NRXN3: variants seen among roughly 807,000 people sequenced by gnomAD.
NRXN3 encodes neurexin III.
In NRXN3, 32 loss-of-function variants were observed where a neutral mutation model predicts 137.6. That is an observed-to-expected ratio of 0.23 (90% CI 0.18 to 0.31). The LOEUF (loss-of-function observed/expected upper bound fraction) is 0.31. NRXN3 is among the 10% of genes least tolerant of loss of function. NRXN3 has a pLI of 1.00. For synonymous variants in NRXN3, 798 were observed against 784.5 expected, an observed-to-expected ratio of 1.02 and a Z score of -0.29; for missense variants, 1,574 against 2,062.5, an observed-to-expected ratio of 0.76 and a Z score of 4.59.
intron 4 of NRXN3, among the ~76,000 whole-genome samples, chr14:78,300,472 T>C (rs1311988821): frequency 1.3e-5 from 2 of 152,236 alleles, no homozygotes; most frequent in South Asian, 2.1e-4. Flanking sequence ...AGCTTCCACA[T>C]TGTATGTTTG....
chr14:78,774,045 C>T (rs149085300), intron 8 of NRXN3, among the ~76,000 whole-genome samples: 1,910 of 152,272 alleles, frequency 0.013, 23 homozygotes, highest in Non-Finnish European at 0.019. Flanking sequence ...CGTGATCAAC[C>T]CTCCTCGGCC....
At chr14:78,760,564 T>A (rs149383180) in intron 8 of NRXN3, among the ~76,000 whole-genome samples, 1 of 150,482 alleles carries the variant, frequency 6.6e-6, no homozygotes, top group East Asian at 2.0e-4. Context: ...ATAAATGGAT[T>A]TTTATACAGC....
At chr14:78,413,181 G>C (rs1823298287) in intron 4 of NRXN3, among the ~76,000 whole-genome samples, 1 of 152,204 alleles carries the variant, frequency 6.6e-6, no homozygotes, top group Admixed American at 6.5e-5. Flanking sequence ...GGGAAGCTAA[G>C]CAAAGATGTG....
At chr14:79,134,637 C>T (rs2058030549) in intron 15 of NRXN3, among the ~76,000 whole-genome samples, 1 of 152,130 alleles carries the variant, frequency 6.6e-6, no homozygotes, top group South Asian at 2.1e-4. Flanking sequence ...CTCTGTGTTG[C>T]TTGTGTCCAG....
At chr14:79,407,615 G>A (rs1716956689) in intron 15 of NRXN3, among the ~76,000 whole-genome samples, 1 of 152,138 alleles carries the variant, frequency 6.6e-6, no homozygotes, top group African/African-American at 2.4e-5. Context: ...TTGATATCAA[G>A]TTTAATGTCC....
chr14:78,878,695 TTTG>T, intron 10 of NRXN3, among the ~76,000 whole-genome samples: 1 of 152,328 alleles, frequency 6.6e-6, no homozygotes, highest in Non-Finnish European at 1.5e-5. Flanking sequence ...TACTGATTTT[TTTG>T]TTGTGAGAAC....
intron 15 of NRXN3, among the ~76,000 whole-genome samples, chr14:78,991,979 A>C (rs1343879157): frequency 6.6e-6 from 1 of 152,172 alleles, no homozygotes; most frequent in Admixed American, 6.5e-5. Flanking sequence ...CACTCTTATA[A>C]ACATAGCTGT....
chr14:78,342,764 G>T (rs2082278001), intron 4 of NRXN3, among the ~76,000 whole-genome samples: 1 of 151,994 alleles, frequency 6.6e-6, no homozygotes, highest in African/African-American at 2.4e-5. Flanking sequence ...CCCCTTTCCT[G>T]GTCCCCACCC....
At chr14:78,204,903 T>C (rs1450493904) in intron 1 of NRXN3, among the ~76,000 whole-genome samples, 4 of 152,132 alleles carry the variant, frequency 2.6e-5, no homozygotes, top group Non-Finnish European at 4.4e-5. Context: ...TTCACGTTCT[T>C]TGAGGTTTGT....
At chr14:78,891,183 G>A (rs550110356) in intron 10 of NRXN3, among the ~76,000 whole-genome samples, 64 of 151,894 alleles carry the variant, frequency 4.2e-4, no homozygotes, top group African/African-American at 1.5e-3. Context: ...ATACAATAGT[G>A]CACCAGTGGC....
intron 20 of NRXN3, chr14:79,853,405 G>T: frequency 4.7e-6 from 1 of 211,894 alleles, no homozygotes; most frequent in Middle Eastern, 8.1e-4. Context: ...ATAATTTTTG[G>T]AGTAATTGCA....
At chr14:79,677,485 G>A (rs1603419515) in intron 17 of NRXN3, among the ~76,000 whole-genome samples, 1 of 152,154 alleles carries the variant, frequency 6.6e-6, no homozygotes, top group Non-Finnish European at 1.5e-5. Context: ...TGAATAGCTG[G>A]ATTAGTTTAC....
intron 16 of NRXN3, among the ~76,000 whole-genome samples, chr14:79,514,756 T>C (rs1261080906): frequency 6.6e-6 from 1 of 152,092 alleles, no homozygotes; most frequent in Non-Finnish European, 1.5e-5. Context: ...GTCAGCACAA[T>C]AGAAGCTTCA....
intron 16 of NRXN3, among the ~76,000 whole-genome samples, chr14:79,497,328 A>C (rs2096776894): frequency 6.6e-6 from 1 of 152,072 alleles, no homozygotes; most frequent in Non-Finnish European, 1.5e-5. Flanking sequence ...AGACAGGTTG[A>C]TCTTGTTTCT....
chr14:78,793,042 T>G (rs564941746), intron 8 of NRXN3, among the ~76,000 whole-genome samples: 1 of 152,288 alleles, frequency 6.6e-6, no homozygotes, highest in Admixed American at 6.5e-5. Flanking sequence ...GATAAATGCT[T>G]GAGGGGATGG....
At chr14:79,526,173 G>A (rs1143248) in intron 16 of NRXN3, among the ~76,000 whole-genome samples, 3 of 151,980 alleles carry the variant, frequency 2.0e-5, no homozygotes, top group African/African-American at 4.8e-5. Context: ...TCAGCCTCCC[G>A]AGTAGCTGGG....
At chr14:78,300,618 T>C (rs905627360) in intron 4 of NRXN3, 1 of 1,323,572 alleles carries the variant, frequency 7.6e-7, no homozygotes, top group Admixed American at 2.0e-5. Flanking sequence ...TCTGTCTCTC[T>C]CTGGCCGCCT....
chr14:78,353,374 G>A (rs1597670944), intron 4 of NRXN3, among the ~76,000 whole-genome samples: 1 of 152,260 alleles, frequency 6.6e-6, no homozygotes, highest in East Asian at 1.9e-4. Context: ...CAAGATCAAG[G>A]CACCAGCAGA....
intron 1 of NRXN3, among the ~76,000 whole-genome samples, chr14:78,224,434 C>A (rs1324834679): frequency 6.6e-6 from 1 of 151,942 alleles, no homozygotes; most frequent in Non-Finnish European, 1.5e-5. Flanking sequence ...ACTCGCCCCA[C>A]CCCACAACAG....
Sources: allele counts gnomAD v4.1 joint callset (sites outside exome capture counted in the v4.1 genomes callset), GRCh38; gene constraint gnomAD v4.1.1; transcripts MANE v1.5; gene names NCBI Gene and HGNC (gene_info 2026-07-23, HGNC 2026-07-21).